Variants in RBKS observed in about 807,000 individuals in gnomAD.
RBKS encodes the protein ribokinase.
A neutral mutation model predicts 33.9 loss-of-function variants in RBKS; 33 were observed. The observed-to-expected ratio is 0.97, with a 90% CI of 0.74 to 1.30. The LOEUF (loss-of-function observed/expected upper bound fraction) is 1.30, where lower values mean the gene tolerates loss of function less well. Among genes scored for constraint, RBKS ranks in the 50% most tolerant of loss-of-function variants. The pLI is 0.00. For synonymous variants in RBKS, 125 were observed against 143.0 expected (o/e 0.87, Z 0.90); for missense variants, 361 against 392.6 (o/e 0.92, Z 0.68).
At chr2:27,851,522 CT>C (rs920664194) in intron 2 of RBKS, among the ~76,000 whole-genome samples, 6 of 149,838 alleles carry the variant, frequency 4.0e-5, no homozygotes, top group South Asian at 4.3e-4. Flanking sequence ...ATGTTCCATT[CT>C]TTTTTTTTTA....
intron 7 of RBKS, among the ~76,000 whole-genome samples, chr2:27,805,613 C>T (rs989679273): frequency 2.6e-5 from 4 of 152,096 alleles, no homozygotes; most frequent in African/African-American, 4.8e-5. Context: ...CTCACTCTGT[C>T]GCCCAGGCTG....
intron 1 of RBKS, among the ~76,000 whole-genome samples, chr2:27,869,584 G>A: frequency 6.6e-6 from 1 of 152,268 alleles, no homozygotes; most frequent in East Asian, 1.9e-4. Flanking sequence ...GGGACCAGGG[G>A]GAGGAAATGG....
chr2:27,857,295 A>C (rs1663876221), intron 2 of RBKS, among the ~76,000 whole-genome samples: 2 of 152,234 alleles, frequency 1.3e-5, no homozygotes. Flanking sequence ...CCTAAAAATC[A>C]AAGAAACACA....
chr2:27,811,910 G>GA lies in RBKS; in HGVS notation c.795+15656dup, dbSNP rs904977654. Among the ~76,000 whole-genome samples the GA allele has an allele frequency of 6.6e-5, 10 of 151,136 alleles. No homozygotes were observed. The South Asian group carries it at 8.4e-4, about 13-fold the overall frequency. On this transcript the variant is annotated intron_variant, in intron 7 of 7. Transcript: ENST00000302188. Reference sequence around the variant, plus strand: ...GACTCCTACAGAAAAGATGAACCAGGAAAAAAAAATTCCACCACTGGCTCA... The same window carrying GA: ...GACTCCTACAGAAAAGATGAACCAGGAAAAAAAAAATTCCACCACTGGCTCA...
At chr2:27,847,747 A>G (rs1182679430) in intron 3 of RBKS, among the ~76,000 whole-genome samples, 2 of 152,208 alleles carry the variant, frequency 1.3e-5, no homozygotes, top group African/African-American at 4.8e-5. Flanking sequence ...CAGCTATAAC[A>G]TTCTTAAAAC....
intron 1 of RBKS, among the ~76,000 whole-genome samples, chr2:27,885,822 G>T (rs113464821): frequency 2.3e-3 from 357 of 152,242 alleles, no homozygotes; most frequent in African/African-American, 8.0e-3. Flanking sequence ...TGCACATCAG[G>T]AAGTGCCTGG....
In RBKS at chr2:27,795,594, C is replaced by T. The variant is rs541590919; in HGVS notation, c.796-13806G>A. On this transcript the variant is annotated intron_variant, in intron 7 of 7. Coordinates refer to ENST00000302188, the MANE Select transcript of RBKS (RefSeq NM_022128.3). The surrounding 1 kb of genome is among the most constrained non-coding windows in gnomAD (Gnocchi z 4.1). ...TCTTCACACTGACCCTGCACTCCCCCGCCACTGAAACTTGAGGGAATTGAG... is the reference window on the plus strand; with the variant it reads ...TCTTCACACTGACCCTGCACTCCCCTGCCACTGAAACTTGAGGGAATTGAG... Among the ~76,000 whole-genome samples, 4 of 152,218 alleles carry T rather than the reference C, an allele frequency of 2.6e-5. No homozygotes were observed. The South Asian group carries it at 6.2e-4, about 24-fold the overall frequency.
intron 1 of RBKS, among the ~76,000 whole-genome samples, chr2:27,861,905 A>C (rs920058267): frequency 3.3e-5 from 5 of 150,826 alleles, no homozygotes; most frequent in Non-Finnish European, 7.4e-5. Flanking sequence ...TCAGCCTCCC[A>C]AAGAGCTGGG....
Position 27,781,724 on chromosome 2 carries a change from A to T in RBKS, c.860T>A (p.Leu287Ter), listed in dbSNP as rs1035518832. 1.2e-6 allele frequency: 2 copies of T among 1,614,028 alleles called. No individual in the cohort carries two copies. Among genetic ancestry groups the T allele is most frequent in the Non-Finnish European group, 1.7e-6 (2 of 1,180,026 alleles). The stretch of plus-strand genomic sequence containing the variant: ...ATTGGATCTGTTGAGCATGTCTTCC[A>T]AGGACAGATTTGGATAGTAAGCCAG... ...FYLAYYPNLS[L>*]EDMLNRSNFI... The change falls in exon 8 of 8, where the codon TTG (leucine) becomes TAG (stop). Residue 287 changes from leucine to a stop codon, truncating the protein, a stop_gained. Coordinates refer to ENST00000302188, the MANE Select transcript of RBKS (RefSeq NM_022128.3). LOFTEE classifies it high-confidence loss of function.
At chr2:27,801,191 G>A (rs944018417) in intron 7 of RBKS, among the ~76,000 whole-genome samples, 1 of 152,152 alleles carries the variant, frequency 6.6e-6, no homozygotes, top group Admixed American at 6.6e-5. Context: ...TGTGATTTTG[G>A]AGGACGTCTC....
At chr2:27,889,949 C>T in intron 1 of RBKS, 1 of 297,982 alleles carries the variant, frequency 3.4e-6, no homozygotes, top group Non-Finnish European at 6.2e-6. Flanking sequence ...GGCTCAGCAG[C>T]CGGGCCAAGA....
At chr2:27,804,558 C>A (rs1180857485) in intron 7 of RBKS, among the ~76,000 whole-genome samples, 1 of 152,196 alleles carries the variant, frequency 6.6e-6, no homozygotes, top group Non-Finnish European at 1.5e-5. Context: ...TATATTCACA[C>A]CTAATCTCGA....
intron 7 of RBKS, among the ~76,000 whole-genome samples, chr2:27,796,161 T>C (rs1434082111): frequency 6.6e-6 from 1 of 152,246 alleles, no homozygotes; most frequent in East Asian, 1.9e-4. Flanking sequence ...AGCTTTCAAG[T>C]GCCAATAAAT....
chr2:27,836,834 G>A (rs1678531491), intron 5 of RBKS, among the ~76,000 whole-genome samples: 2 of 152,104 alleles, frequency 1.3e-5, no homozygotes, highest in South Asian at 2.1e-4. Flanking sequence ...ATGGGCAAAG[G>A]ACATGAACAG....
At chr2:27,784,712 C>T (rs1185006495) in intron 7 of RBKS, among the ~76,000 whole-genome samples, 3 of 152,164 alleles carry the variant, frequency 2.0e-5, no homozygotes, top group Non-Finnish European at 4.4e-5. Context: ...CCCTTGTTTA[C>T]ACAGACAAAG....
At chr2:27,815,253 G>C (rs578094764) in intron 7 of RBKS, among the ~76,000 whole-genome samples, 5 of 152,146 alleles carry the variant, frequency 3.3e-5, no homozygotes, top group African/African-American at 1.2e-4. Flanking sequence ...TGTTGCCCAG[G>C]CTGGAATATA....
At chr2:27,819,116 C>T (rs377608103) in intron 7 of RBKS, among the ~76,000 whole-genome samples, 14 of 152,310 alleles carry the variant, frequency 9.2e-5, no homozygotes, top group African/African-American at 3.4e-4. Context: ...TGACAAAATA[C>T]CATGGACTGA....
chr2:27,840,467 G>C (rs1663468183), intron 5 of RBKS, among the ~76,000 whole-genome samples: 1 of 151,916 alleles, frequency 6.6e-6, no homozygotes, highest in Admixed American at 6.6e-5. Flanking sequence ...GACTTGGCCA[G>C]AGAAAGCCAC....
intron 1 of RBKS, among the ~76,000 whole-genome samples, chr2:27,883,434 C>T (rs1244197689): frequency 2.0e-5 from 3 of 152,146 alleles, no homozygotes; most frequent in African/African-American, 4.8e-5. Flanking sequence ...CTCCTGACCT[C>T]GTGATCTGCC....
Sources: gnomAD v4.1 joint callset for allele counts (sites outside exome capture counted in the v4.1 genomes callset) on GRCh38, gnomAD v4.1.1 for gene constraint, Gnocchi (gnomAD v3.1) non-coding constraint, MANE v1.5 for transcripts, NCBI Gene and HGNC (gene_info 2026-07-23, HGNC 2026-07-21) for gene names.